Variants in PYGL observed in about 807,000 individuals in gnomAD.
The protein encoded by PYGL is glycogen phosphorylase, liver form.
A neutral mutation model predicts 100.1 loss-of-function variants in PYGL; 90 were observed. That is an observed-to-expected ratio of 0.90 (90% CI 0.76 to 1.07). The LOEUF (loss-of-function observed/expected upper bound fraction) is 1.07, where lower values mean the gene tolerates loss of function less well. Among genes scored for constraint, PYGL ranks in the 50% least tolerant of loss-of-function variants. The pLI, the probability that PYGL is intolerant of heterozygous loss-of-function variation, is 0.00. For missense variants in PYGL, 1,016 were observed against 1,057.6 expected (o/e 0.96, Z 0.55); for synonymous variants, 373 against 393.0 (o/e 0.95, Z 0.60).
At chr14:50,913,301 A>G in intron 12 of PYGL, 171 bp from the exon 13 acceptor site, 1 of 566,924 alleles carries the variant, frequency 1.8e-6, no homozygotes, top group Non-Finnish European at 3.2e-6. Context: ...TGTGAGAAGA[A>G]CACTTTTGCT....
intron 12 of PYGL, among the ~76,000 whole-genome samples, chr14:50,913,526 C>T (rs958016523): frequency 1.3e-5 from 2 of 151,696 alleles, no homozygotes; most frequent in Non-Finnish European, 2.9e-5. Flanking sequence ...CGCCTGCCAC[C>T]ACGCCTGGCT....
intron 8 of PYGL, 28 bp from the exon 9 acceptor site, chr14:50,916,762 G>A (rs1454716439): frequency 1.3e-6 from 2 of 1,594,768 alleles, no homozygotes; most frequent in Non-Finnish European, 1.7e-6. Flanking sequence ...TCAACATGAA[G>A]GCAACGGATG....
At chr14:50,939,789 A>T (rs1333205987) in intron 1 of PYGL, among the ~76,000 whole-genome samples, 1 of 152,062 alleles carries the variant, frequency 6.6e-6, no homozygotes, top group African/African-American at 2.4e-5. Context: ...TTGGCCAATC[A>T]AAAAAAATTG....
In PYGL at chr14:50,944,251, G is replaced by C; in HGVS notation, c.153C>G (p.Asp51Glu). ...VKDRNVATTRDYYFALAHTVR... is the reference protein window; with the variant it reads ...VKDRNVATTREYYFALAHTVR... Reference sequence around the variant, plus strand: ...CCGTGTGCGCCAGCGCGAAGTAGTAGTCGCGGGTGGTGGCCACGTTGCGGT... The same window carrying C: ...CCGTGTGCGCCAGCGCGAAGTAGTACTCGCGGGTGGTGGCCACGTTGCGGT... The change falls in exon 1 of 20, where the codon GAC (aspartate) becomes GAG (glutamate). Residue 51 changes from aspartate (D) to glutamate (E), a missense_variant. Physicochemically the swap from Asp to Glu is conservative, Grantham distance 45. Coordinates refer to ENST00000216392, the MANE Select transcript of PYGL (RefSeq NM_002863.5). The C allele has an allele frequency of 6.2e-7, 1 of 1,613,786 alleles. No individual in the cohort carries two copies. The highest frequency in any genetic ancestry group is 1.6e-4 in the Middle Eastern group (1 of 6,062).
At chr14:50,905,624 C>T (rs1596028604) in intron 19 of PYGL, 68 bp from the exon 20 acceptor site, 3 of 1,409,702 alleles carry the variant, frequency 2.1e-6, no homozygotes, top group South Asian at 2.3e-5. Flanking sequence ...TAAACATCAG[C>T]CAAGCACATC....
In PYGL at chr14:50,911,991, A is replaced by C. The variant is rs749116731; in HGVS notation, c.1814T>G (p.Ile605Ser). The C allele has an allele frequency of 6.2e-7, 1 of 1,613,932 alleles. No individual in the cohort carries two copies. Among genetic ancestry groups the C allele is most frequent in the South Asian group, 1.1e-5 (1 of 91,086 alleles). ...GATTCAACTTACTTTACCACCAATG[A>C]TAACTGTCCTTGGCACGAATAACTT... ...PKKLFVPRTV[I>S]IGGKAAPGYH... is the part of the protein sequence containing the mutation. Residue 605 changes from isoleucine to serine, a missense_variant, in exon 15 of 20, where the codon ATC becomes AGC. By Grantham distance (142) the Ile-to-Ser change is moderately radical. Coordinates refer to ENST00000216392, the MANE Select transcript of PYGL (RefSeq NM_002863.5).
Position 50,937,745 on chromosome 14 carries a change from G to A in PYGL, c.336C>T (p.Ala112=). The change falls in exon 2 of 20, where the codon GCC becomes GCT. Residue 112 remains alanine (A), a synonymous_variant. Transcript: ENST00000216392. Reference sequence around the variant, plus strand: ...TCTAGGAACAATGTACCTGGTAAATGGCCTCATCACAGGCATTTTGCAGAC... The same window carrying A: ...TCTAGGAACAATGTACCTGGTAAATAGCCTCATCACAGGCATTTTGCAGAC... ...NLGLQNACDE[A]IYQLGLDIEE... 1 of 1,612,000 alleles carries A rather than the reference G, an allele frequency of 6.2e-7. No individual in the cohort carries two copies. Among genetic ancestry groups the A allele is most frequent in the East Asian group, 2.2e-5 (1 of 44,868 alleles).
At chr14:50,937,346 C>G (rs2050662195) in intron 2 of PYGL, among the ~76,000 whole-genome samples, 1 of 152,162 alleles carries the variant, frequency 6.6e-6, no homozygotes, top group Admixed American at 6.5e-5. Context: ...TGCCTTGATA[C>G]ATGAATAACA....
chr14:50,907,221 T>C (rs12888774), intron 19 of PYGL, among the ~76,000 whole-genome samples: 1 of 152,170 alleles, frequency 6.6e-6, no homozygotes, highest in African/African-American at 2.4e-5. Context: ...TATAGTATTG[T>C]CTTCCTTATT....
Position 50,909,067 on chromosome 14 carries a change from G to A in PYGL, c.2178-112C>T. The A allele has an allele frequency of 2.5e-6, 3 of 1,214,574 alleles. No individual in the cohort carries two copies. In the Admixed American group the frequency reaches 5.7e-5, roughly 23 times the overall value. 75.2% of individuals were successfully genotyped at this position (1,214,574 alleles called of 1,614,324 possible). A position where few individuals can be genotyped will look rare whatever the true frequency, so the allele number is the denominator to read the frequency against. On this transcript the variant is annotated intron_variant, in intron 17 of 19. Coordinates refer to ENST00000216392, the MANE Select transcript of PYGL (RefSeq NM_002863.5). ...TGAAAAAATACATTCAGAAATACTA[G>A]CATTCAAAGACTTCATTATAGATTT...
At chr14:50,917,474 C>T (rs939661312) in intron 7 of PYGL, among the ~76,000 whole-genome samples, 1 of 152,166 alleles carries the variant, frequency 6.6e-6, no homozygotes, top group African/African-American at 2.4e-5. Flanking sequence ...ATTGGAGCTC[C>T]CCAAGGCTCA....
chr14:50,912,482 C>T (rs2050408983), intron 13 of PYGL, 179 bp from the exon 14 acceptor site: 2 of 738,132 alleles, frequency 2.7e-6, no homozygotes, highest in Non-Finnish European at 4.6e-6. Context: ...TCAGGGATTA[C>T]AGGTATACAC....
At chr14:50,926,105 T>C (rs1365494796) in intron 4 of PYGL, among the ~76,000 whole-genome samples, 1 of 152,182 alleles carries the variant, frequency 6.6e-6, no homozygotes, top group Non-Finnish European at 1.5e-5. Flanking sequence ...AGAACAAAGA[T>C]AAAATTTTTT....
At chr14:50,916,769 G>T (rs1394419268) in intron 8 of PYGL, 35 bp from the exon 9 acceptor site, 1 of 1,591,382 alleles carries the variant, frequency 6.3e-7, no homozygotes, top group Non-Finnish European at 8.6e-7. Context: ...GAAGGCAACG[G>T]ATGGCTCAGG....
intron 8 of PYGL, 21 bp from the exon 9 acceptor site, chr14:50,916,755 A>C: frequency 6.2e-7 from 1 of 1,603,682 alleles, no homozygotes; most frequent in Non-Finnish European, 8.5e-7. Context: ...AAAGACATCA[A>C]CATGAAGGCA....
intron 4 of PYGL, among the ~76,000 whole-genome samples, chr14:50,930,378 G>T (rs1303819126): frequency 6.6e-6 from 1 of 152,138 alleles, no homozygotes; most frequent in African/African-American, 2.4e-5. Flanking sequence ...AAAGTAATCA[G>T]GTCTCCTAAG....
At chr14:50,925,584 T>A (rs1343189916) in intron 4 of PYGL, among the ~76,000 whole-genome samples, 1 of 152,196 alleles carries the variant, frequency 6.6e-6, no homozygotes, top group African/African-American at 2.4e-5. Flanking sequence ...AGGAACAGTG[T>A]GAAGAGACAA....
At chr14:50,924,217 A>G (rs916127740) in intron 4 of PYGL, 117 bp from the exon 5 acceptor site, 2 of 1,254,692 alleles carry the variant, frequency 1.6e-6, no homozygotes, top group Admixed American at 2.1e-5. Context: ...ATGAATACTG[A>G]GTACTGTTTT....
chr14:50,914,806 G>C lies in PYGL; in HGVS notation c.1413C>G (p.Asp471Glu). The C allele has an allele frequency of 1.9e-6, 3 of 1,612,970 alleles. No individual in the cohort carries two copies. The highest frequency in any genetic ancestry group is 2.5e-6 in the Non-Finnish European group (3 of 1,179,030). ...SDIVKTKVFK[D>E]FSELEPDKFQ... ...ACTTGTCAGGTTCTAGCTCACTGAA[G>C]TCCTTGAATCTGGAGATGGAGGAGA... The change falls in exon 12 of 20, where the codon GAC becomes GAG. Residue 471 changes from aspartate to glutamate, a missense_variant. Asp to Glu is a conservative substitution (Grantham distance 45, BLOSUM62 2). Coordinates refer to ENST00000216392, the MANE Select transcript of PYGL (RefSeq NM_002863.5).
Sources: allele counts gnomAD v4.1 joint callset (sites outside exome capture counted in the v4.1 genomes callset), GRCh38; gene constraint gnomAD v4.1.1; transcripts MANE v1.5; gene names NCBI Gene and HGNC (gene_info 2026-07-23, HGNC 2026-07-21).